The following PDE1A variants were observed in gnomAD, a reference collection of about 807,000 sequenced individuals.
PDE1A encodes phosphodiesterase 1A.
A neutral mutation model predicts 61.7 loss-of-function variants in PDE1A; 35 were observed. That is an observed-to-expected ratio of 0.57 (90% confidence interval 0.43 to 0.75). PDE1A has a LOEUF of 0.75. Ranked by LOEUF, PDE1A falls within the 30% of genes least tolerant of loss-of-function variation. The pLI, the probability that PDE1A is intolerant of heterozygous loss-of-function variation, is 0.00. For synonymous variants in PDE1A, 232 were observed against 213.2 expected (o/e 1.09, Z -0.77); for missense variants, 597 against 630.6 (o/e 0.95, Z 0.57).
intron 1 of PDE1A, among the ~76,000 whole-genome samples, chr2:182,314,119 C>A (rs934803729): frequency 1.3e-5 from 2 of 152,114 alleles, no homozygotes; most frequent in African/African-American, 4.8e-5. Context: ...AATAGCCAGA[C>A]TAAAAGCAAA....
chr2:182,648,440 G>A, the PDE1A span, among the ~76,000 whole-genome samples: 1 of 148,752 alleles, frequency 6.7e-6, no homozygotes, highest in South Asian at 2.1e-4. Flanking sequence ...GGAAGCTGAG[G>A]CTGGAGGATC....
intron 4 of PDE1A, among the ~76,000 whole-genome samples, chr2:182,234,119 G>T (rs536722425): frequency 6.6e-6 from 1 of 151,802 alleles, no homozygotes; most frequent in African/African-American, 2.4e-5. Context: ...TGTACATTTT[G>T]ACAAGTACTA....
the PDE1A span, among the ~76,000 whole-genome samples, chr2:182,672,360 A>G: frequency 1.3e-5 from 2 of 152,322 alleles, no homozygotes; most frequent in South Asian, 2.1e-4. Flanking sequence ...AAAAACCCCA[A>G]TTACTTTTCA....
chr2:182,348,445 T>C (rs577113189), intron 1 of PDE1A, among the ~76,000 whole-genome samples: 1 of 152,094 alleles, frequency 6.6e-6, no homozygotes, highest in South Asian at 2.1e-4. Flanking sequence ...CTTATAGGAA[T>C]CAGCCCACAT....
chr2:182,598,598 T>C, the PDE1A span, among the ~76,000 whole-genome samples: 5 of 151,604 alleles, frequency 3.3e-5, no homozygotes, highest in Non-Finnish European at 5.9e-5. Flanking sequence ...ATCTTTGCCA[T>C]TAATTCTGCT....
the PDE1A span, among the ~76,000 whole-genome samples, chr2:182,693,283 A>G: frequency 1.7e-3 from 264 of 152,214 alleles, 8 homozygotes; most frequent in East Asian, 0.048. Context: ...CTTCTACCCA[A>G]TTCTCCCCAT....
chr2:182,185,535 C>T (rs1393356551), intron 13 of PDE1A, among the ~76,000 whole-genome samples: 1 of 152,146 alleles, frequency 6.6e-6, no homozygotes, highest in African/African-American at 2.4e-5. Context: ...TAATGCAACA[C>T]AAAAGCCACT....
chr2:182,625,518 A>T, the PDE1A span, among the ~76,000 whole-genome samples: 1 of 152,182 alleles, frequency 6.6e-6, no homozygotes, highest in Non-Finnish European at 1.5e-5. Flanking sequence ...CCTTGAAGAA[A>T]TCTCTCTGCT....
intron 13 of PDE1A, among the ~76,000 whole-genome samples, chr2:182,149,114 A>G (rs1379638706): frequency 6.6e-6 from 1 of 152,186 alleles, no homozygotes; most frequent in Non-Finnish European, 1.5e-5. Flanking sequence ...TTAGAACAGA[A>G]CAGAACAGTC....
chr2:182,552,936 G>T, the PDE1A span, among the ~76,000 whole-genome samples: 26 of 152,224 alleles, frequency 1.7e-4, no homozygotes, highest in African/African-American at 6.0e-4. Context: ...TCGCAGACCC[G>T]CTGCTGACTC....
chr2:182,217,982 C>T (rs912866525), intron 7 of PDE1A, among the ~76,000 whole-genome samples: 29 of 150,664 alleles, frequency 1.9e-4, no homozygotes, highest in South Asian at 8.4e-4. Context: ...ATGTTTATTG[C>T]GGCACTATTC....
chr2:182,454,333 G>T (rs1206499982), intron 2 of PDE1A, among the ~76,000 whole-genome samples: 1 of 152,104 alleles, frequency 6.6e-6, no homozygotes, highest in East Asian at 1.9e-4. Context: ...CGTGAAAATG[G>T]CCACACTGCC....
intron 12 of PDE1A, among the ~76,000 whole-genome samples, 162 bp from the exon 13 acceptor site, chr2:182,186,241 C>G (rs1368106974): frequency 6.6e-6 from 1 of 152,162 alleles, no homozygotes; most frequent in African/African-American, 2.4e-5. Context: ...TCTCCCTCCC[C>G]ACACTGGATT....
the PDE1A span, among the ~76,000 whole-genome samples, chr2:182,597,169 A>T: frequency 1.3e-5 from 2 of 151,660 alleles, no homozygotes; most frequent in South Asian, 2.1e-4. Context: ...AAAAAAAAAA[A>T]ATTTTTTTTT....
intron 8 of PDE1A, 91 bp downstream of exon 8, chr2:182,205,849 C>T (rs1687054571): frequency 6.3e-6 from 7 of 1,103,814 alleles, no homozygotes; most frequent in Non-Finnish European, 9.2e-6. Flanking sequence ...TTGGGGAATG[C>T]ATCGACTTTC....
At chr2:182,514,753 C>A (rs767255150) in intron 2 of PDE1A, among the ~76,000 whole-genome samples, 2 of 152,064 alleles carry the variant, frequency 1.3e-5, no homozygotes, top group Non-Finnish European at 2.9e-5. Flanking sequence ...TGGAAATAGA[C>A]CCTGGCAAAG....
At chr2:182,584,646 A>C in the PDE1A span, among the ~76,000 whole-genome samples, 3 of 152,318 alleles carry the variant, frequency 2.0e-5, no homozygotes, top group South Asian at 2.1e-4. Context: ...AATTGACAGT[A>C]TGTGCCAGAG....
chr2:182,346,759 T>A (rs1698544537), intron 1 of PDE1A, among the ~76,000 whole-genome samples: 1 of 152,116 alleles, frequency 6.6e-6, no homozygotes, highest in African/African-American at 2.4e-5. Flanking sequence ...ACAAAAATGA[T>A]CATTGATTCC....
the PDE1A span, among the ~76,000 whole-genome samples, chr2:182,671,361 T>TTTTTTTTTTTTTTTTTTC: frequency 8.8e-6 from 1 of 114,206 alleles, no homozygotes; most frequent in Non-Finnish European, 1.8e-5. Flanking sequence ...TTTTTTTTTT[T>TTTTTTTTTTTTTTTTTTC]GTATTTTTAG....
Sources: gnomAD v4.1 joint callset for allele counts (sites outside exome capture counted in the v4.1 genomes callset) on GRCh38, gnomAD v4.1.1 for gene constraint, MANE v1.5 for transcripts, NCBI Gene and HGNC (gene_info 2026-07-23, HGNC 2026-07-21) for gene names.